The following PTPRT variants were observed in gnomAD, a reference collection of about 807,000 sequenced individuals.
PTPRT encodes protein tyrosine phosphatase receptor type T, also known as receptor-type tyrosine-protein phosphatase T.
A neutral mutation model predicts 176.8 loss-of-function variants in PTPRT; 56 were observed. The ratio of observed to expected loss-of-function variants is 0.32; its 90% confidence interval spans 0.26 to 0.40. The LOEUF is 0.40. Ranked by LOEUF, PTPRT falls within the 10% of genes least tolerant of loss-of-function variation. The pLI, the probability that PTPRT is intolerant of heterozygous loss-of-function variation, is 1.00. For synonymous variants in PTPRT, 783 were observed against 739.0 expected, an observed-to-expected ratio of 1.06 and a Z score of -0.96; for missense variants, 1,540 against 1,908.2, an observed-to-expected ratio of 0.81 and a Z score of 3.60.
intron 12 of PTPRT, among the ~76,000 whole-genome samples, chr20:42,294,761 T>C (rs2057364739): frequency 6.6e-6 from 1 of 151,598 alleles, no homozygotes; most frequent in Non-Finnish European, 1.5e-5. Context: ...GAAGCACAAG[T>C]GAAAAACCAA....
chr20:43,014,329 C>T (rs781314244), intron 1 of PTPRT, among the ~76,000 whole-genome samples: 1 of 152,164 alleles, frequency 6.6e-6, no homozygotes, highest in Non-Finnish European at 1.5e-5. Context: ...GGAACTAATG[C>T]CTGCAACTGT....
chr20:42,600,179 AC>A (rs1033045653), intron 7 of PTPRT, among the ~76,000 whole-genome samples: 30 of 151,924 alleles, frequency 2.0e-4, no homozygotes, highest in African/African-American at 5.3e-4. Flanking sequence ...TCACTCTGTC[AC>A]CCCCACTGGA....
intron 2 of PTPRT, among the ~76,000 whole-genome samples, chr20:42,803,435 G>A (rs1026235167): frequency 8.5e-5 from 13 of 152,216 alleles, no homozygotes; most frequent in East Asian, 1.9e-4. Context: ...ATAACCTGGC[G>A]ATCATGCCAG....
At chr20:42,367,141 C>T (rs1231833886) in intron 9 of PTPRT, among the ~76,000 whole-genome samples, 1 of 152,212 alleles carries the variant, frequency 6.6e-6, no homozygotes, top group Non-Finnish European at 1.5e-5. Flanking sequence ...ACAATGTGAA[C>T]TTGATCTTGG....
intron 7 of PTPRT, among the ~76,000 whole-genome samples, chr20:42,533,672 C>T (rs76951991): frequency 6.6e-6 from 1 of 152,336 alleles, no homozygotes; most frequent in Non-Finnish European, 1.5e-5. Context: ...ACAATAGTAC[C>T]TACCTCAAAG....
intron 13 of PTPRT, among the ~76,000 whole-genome samples, chr20:42,264,849 G>A (rs2056811971): frequency 1.3e-5 from 2 of 152,174 alleles, no homozygotes; most frequent in Admixed American, 1.3e-4. Flanking sequence ...CTGAGGCCCT[G>A]ATGGGCTCTT....
At chr20:43,013,303 T>A (rs1178965697) in intron 1 of PTPRT, among the ~76,000 whole-genome samples, 1 of 152,124 alleles carries the variant, frequency 6.6e-6, no homozygotes, top group Non-Finnish European at 1.5e-5. Context: ...GAATTGTCCC[T>A]CAAAGCATCG....
In PTPRT at chr20:42,075,647, T is replaced by A. The variant is rs1474329323; in HGVS notation, c.*5232A>T. ...AGTCACTCCTGCAGAGGTAACAGGA[T>A]AAGGGCCTGGCTGCTACTCCCTGGG... On this transcript the variant is annotated 3_prime_UTR_variant, in exon 31 of 31. Coordinates refer to ENST00000373187, the MANE Select transcript of PTPRT (RefSeq NM_007050.6). The A allele has an allele frequency of 4.7e-6, 1 of 211,304 alleles. No individual in the cohort carries two copies. Among genetic ancestry groups the A allele is most frequent in the Non-Finnish European group, 9.6e-6 (1 of 104,288 alleles). The allele number at this position is 211,304 out of a possible 1,614,324, so 13.1% of individuals were successfully genotyped here.
chr20:42,257,642 CA>C (rs1387890840), intron 13 of PTPRT, among the ~76,000 whole-genome samples: 1,432 of 21,550 alleles, frequency 0.066, 7 homozygotes, highest in Non-Finnish European at 0.11. Flanking sequence ...CACCTCCCCC[CA>C]CCCCCCCCCC....
At chr20:42,894,269 T>C (rs1229465230) in intron 1 of PTPRT, among the ~76,000 whole-genome samples, 2 of 152,100 alleles carry the variant, frequency 1.3e-5, no homozygotes, top group East Asian at 3.9e-4. Flanking sequence ...AGGAGTAAAC[T>C]GTGAGCTGAG....
At chr20:42,636,804 A>G (rs907510081) in intron 7 of PTPRT, among the ~76,000 whole-genome samples, 1 of 152,106 alleles carries the variant, frequency 6.6e-6, no homozygotes, top group Non-Finnish European at 1.5e-5. Context: ...TAATTAATTA[A>G]TCAATTAATT....
intron 1 of PTPRT, among the ~76,000 whole-genome samples, chr20:43,027,957 A>C (rs1473125780): frequency 3.3e-5 from 5 of 152,140 alleles, no homozygotes; most frequent in South Asian, 2.1e-4. Context: ...CCATCCCAGC[A>C]CTGCCCGTCA....
chr20:42,753,478 G>A (rs927906916), intron 6 of PTPRT, among the ~76,000 whole-genome samples: 2 of 152,250 alleles, frequency 1.3e-5, no homozygotes, highest in Middle Eastern at 3.4e-3. Flanking sequence ...GAATTTCATC[G>A]ATGTGTAATA....
intron 13 of PTPRT, among the ~76,000 whole-genome samples, chr20:42,256,734 C>A (rs989668960): frequency 6.6e-6 from 1 of 152,098 alleles, no homozygotes; most frequent in Admixed American, 6.6e-5. Context: ...AATTAGTACA[C>A]AGGGATTAGG....
intron 8 of PTPRT, among the ~76,000 whole-genome samples, chr20:42,465,142 GA>G (rs1006484323): frequency 4.6e-5 from 6 of 129,482 alleles, no homozygotes; most frequent in East Asian, 2.6e-4. Flanking sequence ...TTGTAAAATA[GA>G]AAAAAAAACA....
intron 7 of PTPRT, among the ~76,000 whole-genome samples, chr20:42,602,469 A>T (rs989197305): frequency 2.6e-5 from 4 of 152,198 alleles, no homozygotes; most frequent in Admixed American, 2.6e-4. Flanking sequence ...GACACTGGTC[A>T]AACGGCTTTC....
At chr20:42,886,717 T>C (rs115880999) in intron 1 of PTPRT, among the ~76,000 whole-genome samples, 203 of 152,380 alleles carry the variant, frequency 1.3e-3, no homozygotes, top group African/African-American at 4.2e-3. Context: ...TCACTGAGCA[T>C]ACGCTCTGAG....
chr20:42,300,113 C>T (rs2057441340), intron 12 of PTPRT, among the ~76,000 whole-genome samples: 2 of 151,784 alleles, frequency 1.3e-5, no homozygotes, highest in Admixed American at 1.3e-4. Context: ...AAAAAATTAG[C>T]TGGGCATGAT....
At position 42,743,657 on chromosome 20, in the gene PTPRT, G is replaced by A. The variant is rs74680778; in HGVS notation, c.859+12805C>T. Among the ~76,000 whole-genome samples, 1,353 of 152,252 alleles carry A rather than the reference G, an allele frequency of 8.9e-3. 15 individuals are homozygous for A. Among genetic ancestry groups the A allele is most frequent in the African/African-American group, 0.031 (1,276 of 41,542 alleles). ...AGAATGAAGGCCACATCTCTTCTTA[G>A]GTAAATGTCCGCTAAGCACGGCTTC... On this transcript the variant is annotated intron_variant, in intron 6 of 30. Transcript: ENST00000373187.
Sources: allele counts gnomAD v4.1 joint callset (sites outside exome capture counted in the v4.1 genomes callset), GRCh38; gene constraint gnomAD v4.1.1; transcripts MANE v1.5; gene names NCBI Gene and HGNC (gene_info 2026-07-23, HGNC 2026-07-21).